NAV3: variants seen among roughly 807,000 people sequenced by gnomAD.
The protein encoded by NAV3 is neuron navigator 3.
Under a neutral mutation model 244.7 loss-of-function variants are expected in NAV3, and 87 were observed. The observed-to-expected ratio is 0.36, with a 90% CI of 0.30 to 0.42. The LOEUF is 0.42. Among genes scored for constraint, NAV3 ranks in the 20% least tolerant of loss-of-function variants. NAV3 has a pLI of 1.00. For missense variants in NAV3, 2,663 were observed against 2,893.3 expected, an observed-to-expected ratio of 0.92 and a Z score of 1.83; for synonymous variants, 1,126 against 1,042.2, an observed-to-expected ratio of 1.08 and a Z score of -1.55.
chr12:78,093,452 G>A (rs751171024), intron 12 of NAV3, among the ~76,000 whole-genome samples: 1 of 152,150 alleles, frequency 6.6e-6, no homozygotes, highest in Non-Finnish European at 1.5e-5. Flanking sequence ...TTGATCTCTG[G>A]TTAGGAAATC....
intron 9 of NAV3, among the ~76,000 whole-genome samples, chr12:78,035,237 A>T (rs1037703477): frequency 2.0e-5 from 3 of 152,196 alleles, no homozygotes; most frequent in African/African-American, 7.2e-5. Context: ...ATTTTGCCAC[A>T]TTAGCTCTGA....
chr12:78,128,652 C>A (rs1956029580), intron 17 of NAV3, 54 bp from the exon 18 acceptor site: 1 of 1,546,294 alleles, frequency 6.5e-7, no homozygotes, highest in Admixed American at 1.9e-5. Flanking sequence ...CCTGTCCTGG[C>A]ATTGCCTTGC....
rs888013484 is a variant in NAV3, at chr12:78,076,606, A to T, written c.2636+17491A>T. On this transcript the variant is annotated intron_variant, in intron 12 of 39. Coordinates refer to ENST00000397909, the MANE Select transcript of NAV3 (RefSeq NM_001024383.2). ...TGACTTTATATTCTTCACATCTAGC[A>T]CTGGACCTGATTCACTATTAGTACT... 6.6e-5 allele frequency among the ~76,000 whole-genome samples: 10 copies of T among 152,282 alleles called. No individual in the cohort carries two copies. In the East Asian group the frequency reaches 1.5e-3, roughly 24 times the overall value.
At position 78,119,647 on chromosome 12, in the gene NAV3, G is replaced by A. The variant is rs1322795560; in HGVS notation, c.3451G>A (p.Gly1151Ser). Reference sequence around the variant, plus strand: ...AAAATCCAGCACCAGTGGCATTCCTGGCCGAGGAGGCCACAGATCCAGTAC... The same window carrying A: ...AAAATCCAGCACCAGTGGCATTCCTAGCCGAGGAGGCCACAGATCCAGTAC... ...PSKSSTSGIP[G>S]RGGHRSSTSS... The change falls in exon 15 of 40, where the codon GGC becomes AGC. Residue 1151 changes from glycine (G) to serine (S), a missense_variant. By Grantham distance (56) the Gly-to-Ser change is moderately conservative. This residue lies in a region of NAV3 where 1,521 missense variants were observed against 1,497.0 expected (regional missense o/e 1.02). Coordinates refer to ENST00000397909, the MANE Select transcript of NAV3 (RefSeq NM_001024383.2). 6.2e-7 allele frequency: 1 copy of A among 1,614,112 alleles called. No individual in the cohort carries two copies. The highest frequency in any genetic ancestry group is 8.5e-7 in the Non-Finnish European group (1 of 1,180,018).
chr12:78,102,744 G>T (rs886649896), intron 12 of NAV3, among the ~76,000 whole-genome samples: 2 of 152,210 alleles, frequency 1.3e-5, no homozygotes, highest in African/African-American at 4.8e-5. Context: ...CTGTGCACCT[G>T]CAGGCTCTCT....
Position 78,116,864 on chromosome 12 carries a change from C to G in NAV3, c.2729C>G (p.Ser910Cys), listed in dbSNP as rs776031079. ...CTGAACACCACATCCTCTGTCAGCT[C>G]TTACTCCAACATCACCGTCCCCTCT... is the stretch of plus-strand genomic sequence containing the variant. Reference protein sequence around the residue: ...DDLNTTSSVSSYSNITVPSRK... With the variant: ...DDLNTTSSVSCYSNITVPSRK... Residue 910 changes from serine to cysteine, a missense_variant, in exon 13 of 40, where the codon TCT becomes TGT. Transcript: ENST00000397909. 8 of 1,613,498 alleles carry G rather than the reference C, an allele frequency of 5.0e-6. No homozygotes were observed. The highest frequency in any genetic ancestry group is 4.0e-5 in the African/African-American group (3 of 74,994).
At chr12:77,761,462 A>C (rs924448266) in intron 2 of NAV3, among the ~76,000 whole-genome samples, 6 of 152,226 alleles carry the variant, frequency 3.9e-5, no homozygotes, top group Non-Finnish European at 8.8e-5. Context: ...GAAAATGTTT[A>C]AAACATGACT....
At chr12:78,083,808 T>C (rs73143931) in intron 12 of NAV3, among the ~76,000 whole-genome samples, 2,543 of 152,302 alleles carry the variant, frequency 0.017, 45 homozygotes, top group East Asian at 0.092. Context: ...AATTCATTGA[T>C]ACTTAACTCG....
intron 2 of NAV3, among the ~76,000 whole-genome samples, chr12:77,648,624 C>T (rs981114045): frequency 9.9e-5 from 15 of 152,054 alleles, no homozygotes; most frequent in African/African-American, 3.4e-4. Context: ...AAGGAAACTA[C>T]GAAGATATCT....
At chr12:78,153,869 A>G (rs541302883) in intron 22 of NAV3, among the ~76,000 whole-genome samples, 1 of 151,852 alleles carries the variant, frequency 6.6e-6, no homozygotes, top group Non-Finnish European at 1.5e-5. Flanking sequence ...ATTGGTGCAT[A>G]TTATTAATGA....
intron 9 of NAV3, among the ~76,000 whole-genome samples, chr12:78,028,814 A>G (rs989624068): frequency 2.4e-4 from 36 of 152,224 alleles, no homozygotes; most frequent in African/African-American, 8.4e-4. Context: ...TCTAGCTGAA[A>G]TTATTATCAA....
At chr12:77,759,128 C>T (rs1869339330) in intron 2 of NAV3, among the ~76,000 whole-genome samples, 5 of 152,176 alleles carry the variant, frequency 3.3e-5, no homozygotes, top group African/African-American at 1.2e-4. Context: ...CTCATGACAT[C>T]CTTAATCCCT....
At chr12:77,913,927 C>T (rs542267977) in intron 1 of NAV3, among the ~76,000 whole-genome samples, 24 of 151,944 alleles carry the variant, frequency 1.6e-4, no homozygotes, top group Admixed American at 4.6e-4. Flanking sequence ...TTTTTAAAAG[C>T]GCTGTGATGA....
chr12:77,674,151 C>G (rs114001334), intron 2 of NAV3, among the ~76,000 whole-genome samples: 3 of 152,014 alleles, frequency 2.0e-5, no homozygotes, highest in East Asian at 1.9e-4. Flanking sequence ...AATAGCAAAC[C>G]ATTTTATTAG....
chr12:78,040,574 TAATTTTA>T (rs545581686), intron 9 of NAV3, among the ~76,000 whole-genome samples: 1 of 152,306 alleles, frequency 6.6e-6, no homozygotes, highest in African/African-American at 2.4e-5. Context: ...ATTGAGATAT[TAATTTTA>T]ATATTCCAGT....
At chr12:77,725,345 T>C (rs960318070) in intron 2 of NAV3, among the ~76,000 whole-genome samples, 2 of 152,040 alleles carry the variant, frequency 1.3e-5, no homozygotes, top group East Asian at 3.9e-4. Context: ...AGTTCTTTTG[T>C]AATATTCATA....
rs148916257 is a variant in NAV3 at position 77,649,231 on chromosome 12, G to A, written c.72+76965G>A. ...GCTTCTACTATATGGTAGACATACC[G>A]CTAAGCATTGAGGATAATTTACTGA... On this transcript the variant is annotated intron_variant, in intron 2 of 8. Transcript: ENST00000550042. Among the ~76,000 whole-genome samples, 1,484 of 152,164 alleles carry A rather than the reference G, an allele frequency of 9.8e-3. 9 individuals carry two copies. Among genetic ancestry groups the A allele is most frequent in the Middle Eastern group, 0.017 (5 of 294 alleles).
chr12:78,171,863 G>A (rs1432039398), intron 24 of NAV3, among the ~76,000 whole-genome samples: 1 of 151,504 alleles, frequency 6.6e-6, no homozygotes. Context: ...AGACAGGCCT[G>A]ACTATCACAC....
intron 22 of NAV3, among the ~76,000 whole-genome samples, chr12:78,158,008 A>G (rs186384065): frequency 2.6e-5 from 4 of 152,310 alleles, no homozygotes; most frequent in Admixed American, 2.6e-4. Context: ...AGGAACATGT[A>G]CATTCTAACT....
Sources: gnomAD v4.1 joint callset for allele counts (sites outside exome capture counted in the v4.1 genomes callset) on GRCh38, gnomAD v4.1.1 for gene constraint, gnomAD v4.1.1 regional missense constraint, MANE v1.5 for transcripts, NCBI Gene and HGNC (gene_info 2026-07-23, HGNC 2026-07-21) for gene names.